SLC24A3: variants seen among roughly 807,000 people sequenced by gnomAD.
SLC24A3 encodes sodium/potassium/calcium exchanger 3.
A neutral mutation model predicts 75.8 loss-of-function variants in SLC24A3; 28 were observed. The observed-to-expected ratio is 0.37, with a 90% confidence interval of 0.27 to 0.51. The LOEUF (loss-of-function observed/expected upper bound fraction) is 0.51. Among genes scored for constraint, SLC24A3 ranks in the 20% least tolerant of loss-of-function variants. The pLI, the probability that SLC24A3 is intolerant of heterozygous loss-of-function variation, is 0.94. For synonymous variants in SLC24A3, 372 were observed against 334.1 expected (o/e 1.11, Z -1.24); for missense variants, 663 against 847.8 (o/e 0.78, Z 2.71).
intron 1 of SLC24A3, among the ~76,000 whole-genome samples, chr20:19,267,863 C>T (rs1384200175): frequency 6.6e-6 from 1 of 152,118 alleles, no homozygotes; most frequent in East Asian, 1.9e-4. Flanking sequence ...TAGGTGCACA[C>T]TTAGCTGGTG....
chr20:19,689,075 A>G (rs6046248), intron 12 of SLC24A3, among the ~76,000 whole-genome samples: 1 of 152,234 alleles, frequency 6.6e-6, no homozygotes, highest in African/African-American at 2.4e-5. Flanking sequence ...TTGTTGACAG[A>G]CAGCAAAAGA....
intron 1 of SLC24A3, among the ~76,000 whole-genome samples, chr20:19,230,448 C>T (rs1981987507): frequency 6.6e-6 from 1 of 152,090 alleles, no homozygotes; most frequent in Non-Finnish European, 1.5e-5. Flanking sequence ...TATCTAGAGA[C>T]AGTGTGTGAA....
At chr20:19,360,627 TACA>T (rs1410270000) in intron 2 of SLC24A3, among the ~76,000 whole-genome samples, 1 of 152,232 alleles carries the variant, frequency 6.6e-6, no homozygotes, top group Non-Finnish European at 1.5e-5. Context: ...ATGTGGATAT[TACA>T]ACATCTGAAC....
At chr20:19,401,232 A>C (rs1986547477) in intron 2 of SLC24A3, among the ~76,000 whole-genome samples, 1 of 152,222 alleles carries the variant, frequency 6.6e-6, no homozygotes, top group Non-Finnish European at 1.5e-5. Flanking sequence ...TGGCTGAAGC[A>C]CGAGTCCACA....
intron 2 of SLC24A3, among the ~76,000 whole-genome samples, chr20:19,309,188 T>A (rs1413554661): frequency 6.6e-6 from 1 of 152,224 alleles, no homozygotes; most frequent in East Asian, 1.9e-4. Context: ...AGCAGATCTA[T>A]GGTTAGAACA....
At chr20:19,250,590 C>A (rs1486708173) in intron 1 of SLC24A3, among the ~76,000 whole-genome samples, 1 of 152,168 alleles carries the variant, frequency 6.6e-6, no homozygotes, top group Non-Finnish European at 1.5e-5. Flanking sequence ...CACTGAAAAA[C>A]TACTTCAACC....
chr20:19,698,799 G>A (rs2032840738), intron 15 of SLC24A3, 119 bp downstream of exon 15: 1 of 751,780 alleles, frequency 1.3e-6, no homozygotes, highest in Non-Finnish European at 2.2e-6. Flanking sequence ...GTAATATTGA[G>A]GGGGAAACAA....
rs377672429 is a variant in SLC24A3, at chr20:19,459,519, C to T, written c.272-55969C>T. ...TTTCAAGTTCTGTATGCCTTTGAGA[C>T]ATCACGTAAATGTTTATTGATTTTC... On this transcript the variant is annotated intron_variant, in intron 2 of 16. Coordinates refer to ENST00000328041, the MANE Select transcript of SLC24A3 (RefSeq NM_020689.4). Among the ~76,000 whole-genome samples, 3 of 152,262 alleles carry T rather than the reference C, an allele frequency of 2.0e-5. No individual in the cohort carries two copies. In the South Asian group the frequency reaches 6.2e-4, roughly 32 times the overall value.
At chr20:19,666,887 G>A (rs1333199920) in intron 8 of SLC24A3, among the ~76,000 whole-genome samples, 2 of 152,206 alleles carry the variant, frequency 1.3e-5, no homozygotes, top group African/African-American at 4.8e-5. Context: ...AATCAAGCAT[G>A]TTTGAAATGG....
At chr20:19,720,385 C>T (rs965483142) in intron 16 of SLC24A3, among the ~76,000 whole-genome samples, 6 of 152,032 alleles carry the variant, frequency 3.9e-5, no homozygotes, top group Non-Finnish European at 7.4e-5. Flanking sequence ...AAGAGCCGGG[C>T]GGAAAGCTTC....
At chr20:19,623,054 T>C (rs1282730334) in intron 6 of SLC24A3, among the ~76,000 whole-genome samples, 1 of 152,218 alleles carries the variant, frequency 6.6e-6, no homozygotes, top group African/African-American at 2.4e-5. Flanking sequence ...CCTCCAACAC[T>C]GGAGATCAAA....
rs562598386 is a variant in SLC24A3 at position 19,661,047 on chromosome 20, G to A, written c.688-4817G>A. The stretch of plus-strand genomic sequence containing the variant: ...AGGGAAGTGCATCCGCTGGCCTGGA[G>A]ACCCCAGAGAGGAGCCTTTCATCTC... On this transcript the variant is annotated intron_variant, in intron 7 of 16. Coordinates refer to ENST00000328041, the MANE Select transcript of SLC24A3 (RefSeq NM_020689.4). 2.6e-5 allele frequency among the ~76,000 whole-genome samples: 4 copies of A among 152,286 alleles called. No individual in the cohort carries two copies. In the East Asian group the frequency reaches 7.7e-4, roughly 29 times the overall value.
At chr20:19,633,371 C>T (rs996974025) in intron 6 of SLC24A3, among the ~76,000 whole-genome samples, 4 of 152,066 alleles carry the variant, frequency 2.6e-5, no homozygotes, top group East Asian at 1.9e-4. Flanking sequence ...CAGTCGTGGC[C>T]GGGCGCGGTG....
intron 3 of SLC24A3, among the ~76,000 whole-genome samples, chr20:19,579,251 T>C (rs916930319): frequency 1.3e-5 from 2 of 152,136 alleles, no homozygotes; most frequent in African/African-American, 4.8e-5. Context: ...AAGATTTCAT[T>C]AGTTGGAGAG....
chr20:19,437,122 G>A (rs546114118), intron 2 of SLC24A3, among the ~76,000 whole-genome samples: 1 of 152,204 alleles, frequency 6.6e-6, no homozygotes, highest in African/African-American at 2.4e-5. Context: ...GTCAATGTAG[G>A]GGGGAGAGAG....
At chr20:19,489,471 G>A (rs904749564) in intron 2 of SLC24A3, among the ~76,000 whole-genome samples, 12 of 152,322 alleles carry the variant, frequency 7.9e-5, no homozygotes, top group Middle Eastern at 3.4e-3. Context: ...TATAGTTGAT[G>A]AATCATTTGT....
intron 2 of SLC24A3, among the ~76,000 whole-genome samples, chr20:19,464,993 C>T (rs1987740199): frequency 6.6e-6 from 1 of 152,224 alleles, no homozygotes; most frequent in African/African-American, 2.4e-5. Context: ...AGTATGATAG[C>T]ACTTGCCACA....
chr20:19,528,399 C>T (rs1422590195), intron 3 of SLC24A3, among the ~76,000 whole-genome samples: 1 of 152,176 alleles, frequency 6.6e-6, no homozygotes, highest in Non-Finnish European at 1.5e-5. Context: ...GTGCCCTTAA[C>T]CCATCCTTAT....
At position 19,560,419 on chromosome 20, in the gene SLC24A3, C is replaced by A. The variant is rs148884156; in HGVS notation, c.349-19581C>A. ...CTCCGCACATGGGCTGAGAAAAGTT[C>A]TCTAGCACTGGTAGGAGCTGCAGGC... On this transcript the variant is annotated intron_variant, in intron 3 of 16. Transcript: ENST00000328041. 8.5e-5 allele frequency among the ~76,000 whole-genome samples: 13 copies of A among 152,330 alleles called. No homozygotes were observed. The East Asian group carries it at 2.5e-3, about 29-fold the overall frequency.
Sources: gnomAD v4.1 joint callset for allele counts (sites outside exome capture counted in the v4.1 genomes callset) on GRCh38, gnomAD v4.1.1 for gene constraint, MANE v1.5 for transcripts, NCBI Gene and HGNC (gene_info 2026-07-23, HGNC 2026-07-21) for gene names.